MTCL3: variants seen among roughly 807,000 people sequenced by gnomAD.
The protein encoded by MTCL3 is microtubule cross-linking factor 3.
At chr6:127,491,134 T>C in the MTCL3 span, among the ~76,000 whole-genome samples, 9 of 152,266 alleles carry the variant, frequency 5.9e-5, no homozygotes, top group African/African-American at 2.2e-4. Flanking sequence ...TGAACTTTGC[T>C]GAAATGACAA....
At chr6:127,481,681 T>C in the MTCL3 span, among the ~76,000 whole-genome samples, 1 of 152,188 alleles carries the variant, frequency 6.6e-6, no homozygotes, top group South Asian at 2.1e-4. Context: ...AGATTCCAAC[T>C]GACATAGTTT....
the MTCL3 span, chr6:127,516,229 G>A: frequency 1.4e-6 from 2 of 1,433,460 alleles, no homozygotes; most frequent in Non-Finnish European, 1.8e-6. Flanking sequence ...CAGGGTCGCG[G>A]CGGGGGCCGC....
chr6:127,481,947 C>T, the MTCL3 span, among the ~76,000 whole-genome samples: 1 of 152,200 alleles, frequency 6.6e-6, no homozygotes, highest in Non-Finnish European at 1.5e-5. Flanking sequence ...GGAATGACCT[C>T]TGGTCGTCTT....
At chr6:127,515,901 A>G in the MTCL3 span, 1 of 1,610,520 alleles carries the variant, frequency 6.2e-7, no homozygotes. The surrounding 1 kb of genome is among the most constrained non-coding windows in gnomAD (Gnocchi z 4.3). Context: ...CGCCCCCCGC[A>G]ACGCCGCTTC....
chr6:127,516,283 T>C, the MTCL3 span: 1 of 1,524,476 alleles, frequency 6.6e-7, no homozygotes, highest in South Asian at 1.2e-5. Context: ...AGCGGCCCCT[T>C]TGGGCGCCAG....
the MTCL3 span, among the ~76,000 whole-genome samples, chr6:127,506,767 A>G: frequency 6.6e-6 from 1 of 151,734 alleles, no homozygotes; most frequent in Admixed American, 6.6e-5. Flanking sequence ...TTTTTAGTAG[A>G]ACGGGGTTTC....
the MTCL3 span, chr6:127,516,506 G>C: frequency 2.5e-6 from 4 of 1,599,098 alleles, no homozygotes; most frequent in East Asian, 6.7e-5. Flanking sequence ...TGAGCTCGCT[G>C]CTGCTTTCTG....
At chr6:127,479,054 C>T in the MTCL3 span, among the ~76,000 whole-genome samples, 1 of 141,720 alleles carries the variant, frequency 7.1e-6, no homozygotes, top group South Asian at 2.3e-4. Flanking sequence ...AAGGGGGAGA[C>T]AGGTAAGAAA....
the MTCL3 span, among the ~76,000 whole-genome samples, chr6:127,492,791 G>T: frequency 6.6e-6 from 1 of 152,102 alleles, no homozygotes; most frequent in African/African-American, 2.4e-5. Flanking sequence ...CAAAGCGCTG[G>T]GATTACAGGC....
At chr6:127,499,287 C>G in the MTCL3 span, among the ~76,000 whole-genome samples, 4 of 152,074 alleles carry the variant, frequency 2.6e-5, no homozygotes, top group Admixed American at 2.6e-4. Context: ...AGGAAGCTGT[C>G]AGGAATAAGA....
chr6:127,515,058 G>C, the MTCL3 span: 2 of 1,611,552 alleles, frequency 1.2e-6, no homozygotes, highest in South Asian at 2.2e-5. The surrounding 1 kb of genome is among the most constrained non-coding windows in gnomAD (Gnocchi z 4.3). Flanking sequence ...CTGAGGCGGT[G>C]ACAGGCCGCG....
chr6:127,517,686 T>C, the MTCL3 span: 1 of 152,248 alleles, frequency 6.6e-6, no homozygotes, highest in Non-Finnish European at 1.5e-5. Context: ...CCCAGAAGGC[T>C]GGTGCATCTT....
At chr6:127,512,401 T>G in the MTCL3 span, among the ~76,000 whole-genome samples, 1 of 152,180 alleles carries the variant, frequency 6.6e-6, no homozygotes, top group Non-Finnish European at 1.5e-5. Flanking sequence ...ATTGCAAGCA[T>G]TAGAACATTG....
the MTCL3 span, chr6:127,481,495 G>A: frequency 3.0e-6 from 3 of 984,882 alleles, no homozygotes; most frequent in Non-Finnish European, 3.6e-6. Context: ...AAACAGAGCA[G>A]GAACAGAGCA....
At chr6:127,483,571 T>C in the MTCL3 span, among the ~76,000 whole-genome samples, 1 of 152,314 alleles carries the variant, frequency 6.6e-6, no homozygotes. Context: ...CTTCAGCTCA[T>C]TGTGTGATAC....
chr6:127,486,829 A>G, the MTCL3 span, among the ~76,000 whole-genome samples: 1 of 152,318 alleles, frequency 6.6e-6, no homozygotes, highest in East Asian at 1.9e-4. Flanking sequence ...CCTTTTCTCA[A>G]TTAAAATTTA....
At chr6:127,514,410 A>G in the MTCL3 span, among the ~76,000 whole-genome samples, 1 of 152,038 alleles carries the variant, frequency 6.6e-6, no homozygotes, top group Non-Finnish European at 1.5e-5. Flanking sequence ...TTGGGTTTCA[A>G]CTCCCCCAGA....
chr6:127,490,215 C>T, the MTCL3 span, among the ~76,000 whole-genome samples: 1 of 152,036 alleles, frequency 6.6e-6, no homozygotes, highest in Non-Finnish European at 1.5e-5. Flanking sequence ...TATTTTAAGC[C>T]CACTTTTGAG....
the MTCL3 span, among the ~76,000 whole-genome samples, chr6:127,513,888 T>C: frequency 6.6e-6 from 1 of 152,198 alleles, no homozygotes; most frequent in Non-Finnish European, 1.5e-5. Flanking sequence ...TAATAATGTA[T>C]GTAACAGTGT....
Sources: allele counts gnomAD v4.1 joint callset (sites outside exome capture counted in the v4.1 genomes callset), GRCh38; gene constraint gnomAD v4.1.1; non-coding constraint Gnocchi (gnomAD v3.1); transcripts MANE v1.5; gene names NCBI Gene and HGNC (gene_info 2026-07-23, HGNC 2026-07-21).